The following KCNH5 variants were observed in gnomAD, a reference collection of about 807,000 sequenced individuals.
KCNH5 encodes voltage-gated delayed rectifier potassium channel KCNH5.
Under a neutral mutation model 96.1 loss-of-function variants are expected in KCNH5, and 46 were observed. That is an observed-to-expected ratio of 0.48 (90% CI 0.38 to 0.61). The LOEUF (loss-of-function observed/expected upper bound fraction) is 0.61. KCNH5 is among the 20% of genes least tolerant of loss of function. The pLI is 0.00. For synonymous variants in KCNH5, 439 were observed against 449.8 expected (o/e 0.98, Z 0.30); for missense variants, 907 against 1,225.8 (o/e 0.74, Z 3.88).
intron 8 of KCNH5, among the ~76,000 whole-genome samples, chr14:62,849,328 T>C (rs533124985): frequency 5.9e-5 from 9 of 152,186 alleles, no homozygotes; most frequent in African/African-American, 2.2e-4. Flanking sequence ...GCAGGAAAAA[T>C]GGCAGCACTC....
At chr14:62,991,620 T>C (rs1034972563) in intron 4 of KCNH5, among the ~76,000 whole-genome samples, 5 of 151,986 alleles carry the variant, frequency 3.3e-5, no homozygotes, top group African/African-American at 9.7e-5. Context: ...TTGGTACACA[T>C]TAAAATCAAT....
intron 1 of KCNH5, 70 bp downstream of exon 1, chr14:63,045,044 G>A (rs1594690952): frequency 8.4e-7 from 1 of 1,190,758 alleles, no homozygotes; most frequent in Non-Finnish European, 1.3e-6. Context: ...AGAGGGATGG[G>A]ATGGGGAGGA....
At chr14:62,885,481 G>A (rs1252654113) in intron 7 of KCNH5, among the ~76,000 whole-genome samples, 1 of 152,188 alleles carries the variant, frequency 6.6e-6, no homozygotes, top group African/African-American at 2.4e-5. Flanking sequence ...CAAGGTATTT[G>A]CTAATGGAGA....
At chr14:63,042,779 C>A (rs1293059790) in intron 1 of KCNH5, among the ~76,000 whole-genome samples, 1 of 152,078 alleles carries the variant, frequency 6.6e-6, no homozygotes, top group African/African-American at 2.4e-5. Flanking sequence ...ATGTGTAGAC[C>A]AATTTAATAC....
At position 62,773,772 on chromosome 14, in the gene KCNH5, T is replaced by C. The variant is rs1886039184; in HGVS notation, c.2019+5956A>G. 1.3e-5 allele frequency among the ~76,000 whole-genome samples: 2 copies of C among 152,228 alleles called. 1 individual carries two copies. Among genetic ancestry groups the C allele is most frequent in the South Asian group, 4.1e-4 (2 of 4,832 alleles). On this transcript the variant is annotated intron_variant, in intron 10 of 10. Coordinates refer to ENST00000322893, the MANE Select transcript of KCNH5 (RefSeq NM_139318.5). ...GCCAGCAGTATTCATGTAACATATA[T>C]TTTAAGTTTCAAGGAAATGAAATTC...
chr14:62,926,637 A>G (rs943426753), intron 7 of KCNH5, among the ~76,000 whole-genome samples: 1 of 152,110 alleles, frequency 6.6e-6, no homozygotes, highest in Non-Finnish European at 1.5e-5. Context: ...CCTAGCTTGC[A>G]GACAGCCAGC....
intron 9 of KCNH5, among the ~76,000 whole-genome samples, chr14:62,783,321 C>G (rs1213448929): frequency 6.6e-6 from 1 of 152,088 alleles, no homozygotes; most frequent in African/African-American, 2.4e-5. Flanking sequence ...ACTTTGTAAA[C>G]AGAAGAGATC....
chr14:62,798,349 G>C (rs1886582213), intron 9 of KCNH5, among the ~76,000 whole-genome samples: 1 of 152,110 alleles, frequency 6.6e-6, no homozygotes, highest in Non-Finnish European at 1.5e-5. Context: ...TTGTTAGCAG[G>C]GAAATGTCAT....
intron 2 of KCNH5, among the ~76,000 whole-genome samples, chr14:63,010,603 G>A (rs1357191938): frequency 6.6e-6 from 1 of 152,176 alleles, no homozygotes; most frequent in Admixed American, 6.5e-5. Flanking sequence ...GGGAATAAGG[G>A]ATAAGTTGTC....
At chr14:62,882,100 TAAAAAAA>T (rs143123435) in intron 7 of KCNH5, among the ~76,000 whole-genome samples, 2 of 76,672 alleles carry the variant, frequency 2.6e-5, no homozygotes, top group African/African-American at 5.9e-5. Context: ...CCCCATTTCT[TAAAAAAA>T]AAAAAAAAAA....
At chr14:62,833,584 T>C (rs1887404775) in intron 8 of KCNH5, among the ~76,000 whole-genome samples, 1 of 152,228 alleles carries the variant, frequency 6.6e-6, no homozygotes, top group South Asian at 2.1e-4. Context: ...GCTTTGTTTT[T>C]CTTTCTCAAG....
In KCNH5 at chr14:62,706,396, T is replaced by C. The variant is rs1370702497; in HGVS notation, c.*1112A>G. 1 of 152,220 alleles carries C rather than the reference T, an allele frequency of 6.6e-6. No individual in the cohort carries two copies. The highest frequency in any genetic ancestry group is 1.5e-5 in the Non-Finnish European group (1 of 67,990). 9.4% of individuals were successfully genotyped at this position (152,220 alleles called of 1,614,324 possible). On this transcript the variant is annotated 3_prime_UTR_variant, in exon 11 of 11. Transcript: ENST00000322893. ...TCTTGGTTGGTTGGTTTGTTTGTTT[T>C]ACCACATTTCATGTGTTATCACTAC... is the stretch of plus-strand genomic sequence containing the variant.
rs115171559 is a variant in KCNH5, at chr14:62,947,378, C to A, written c.1369+2755G>T. 7.4e-3 allele frequency among the ~76,000 whole-genome samples: 1,127 copies of A among 152,230 alleles called. 10 individuals carry two copies. Among genetic ancestry groups the A allele is most frequent in the African/African-American group, 0.026 (1,069 of 41,538 alleles). On this transcript the variant is annotated intron_variant, in intron 7 of 10. Transcript: ENST00000322893. ...TTTAATTAATCATCAGCATCTCTCT[C>A]TGTGTATAAGGACATTTTCCTGCTG...
chr14:62,898,582 TA>T (rs1274347160), intron 7 of KCNH5, among the ~76,000 whole-genome samples: 1 of 152,054 alleles, frequency 6.6e-6, no homozygotes, highest in Non-Finnish European at 1.5e-5. Flanking sequence ...AGTGATTTTT[TA>T]AAAAAATATA....
intron 1 of KCNH5, among the ~76,000 whole-genome samples, chr14:63,039,415 A>G (rs1443713854): frequency 6.6e-6 from 1 of 152,076 alleles, no homozygotes. Flanking sequence ...AAGTAACTAT[A>G]AATCTGTAAA....
chr14:62,944,006 T>C (rs1247030381), intron 7 of KCNH5, among the ~76,000 whole-genome samples: 1 of 152,146 alleles, frequency 6.6e-6, no homozygotes, highest in Admixed American at 6.6e-5. Context: ...AGGAGGGATC[T>C]GGAAGGAATC....
At chr14:63,003,526 T>C (rs1891057998) in intron 3 of KCNH5, among the ~76,000 whole-genome samples, 1 of 124,534 alleles carries the variant, frequency 8.0e-6, no homozygotes, top group African/African-American at 3.3e-5. Context: ...TTATATATTT[T>C]ATATATATTA....
chr14:62,774,316 C>T (rs114167599), intron 10 of KCNH5, among the ~76,000 whole-genome samples: 1,838 of 152,208 alleles, frequency 0.012, 34 homozygotes, highest in African/African-American at 0.042. Context: ...AGCATCAACC[C>T]ACCTTGTTAG....
At chr14:62,731,711 C>A (rs533901798) in intron 10 of KCNH5, among the ~76,000 whole-genome samples, 1 of 152,098 alleles carries the variant, frequency 6.6e-6, no homozygotes, top group African/African-American at 2.4e-5. Context: ...GGTTTAGATG[C>A]GTTGCAAATA....
Sources: gnomAD v4.1 joint callset for allele counts (sites outside exome capture counted in the v4.1 genomes callset) on GRCh38, gnomAD v4.1.1 for gene constraint, MANE v1.5 for transcripts, NCBI Gene and HGNC (gene_info 2026-07-23, HGNC 2026-07-21) for gene names.